Variants in ROBO2 observed in about 807,000 individuals in gnomAD.
ROBO2 encodes roundabout guidance receptor 2.
Under a neutral mutation model 160.8 loss-of-function variants are expected in ROBO2, and 53 were observed. The observed-to-expected ratio is 0.33, with a 90% CI of 0.26 to 0.41. The LOEUF is 0.41. ROBO2 is among the 10% of genes least tolerant of loss of function. The pLI is 1.00. For missense variants in ROBO2, 1,577 were observed against 1,722.4 expected, an observed-to-expected ratio of 0.92 and a Z score of 1.49; for synonymous variants, 664 against 611.7, an observed-to-expected ratio of 1.09 and a Z score of -1.26.
chr3:76,605,960 G>A (rs925484447), intron 2 of ROBO2, among the ~76,000 whole-genome samples: 5 of 152,030 alleles, frequency 3.3e-5, no homozygotes, highest in African/African-American at 9.7e-5. Context: ...CGGTAGACAG[G>A]ACCCCGTTAT....
chr3:76,136,120 T>C (rs2071420302), intron 2 of ROBO2, among the ~76,000 whole-genome samples: 1 of 152,032 alleles, frequency 6.6e-6, no homozygotes, highest in Non-Finnish European at 1.5e-5. Context: ...ATGTTCTGAG[T>C]TTTAGTGTTC....
At chr3:77,271,591 T>C (rs921497179) in intron 2 of ROBO2, among the ~76,000 whole-genome samples, 1 of 152,218 alleles carries the variant, frequency 6.6e-6, no homozygotes, top group Non-Finnish European at 1.5e-5. Flanking sequence ...ATTCATTCCC[T>C]GCAAAATCAC....
chr3:77,579,197 A>G (rs2093848310), intron 15 of ROBO2, among the ~76,000 whole-genome samples: 1 of 152,144 alleles, frequency 6.6e-6, no homozygotes, highest in Admixed American at 6.6e-5. Flanking sequence ...ACATTTCATC[A>G]GAACAATTTC....
chr3:76,834,070 C>CTTTCTTTCTTTCTTTCTTTCTTT (rs1559574907), intron 2 of ROBO2, among the ~76,000 whole-genome samples: 2 of 95,732 alleles, frequency 2.1e-5, no homozygotes, highest in Non-Finnish European at 4.3e-5. Flanking sequence ...TCTTTTCTTT[C>CTTTCTTTCTTTCTTTCTTTCTTT]TTTCTTTCTT....
intron 2 of ROBO2, among the ~76,000 whole-genome samples, chr3:76,891,926 A>G (rs2074373763): frequency 6.6e-6 from 1 of 152,090 alleles, no homozygotes; most frequent in Non-Finnish European, 1.5e-5. Flanking sequence ...AGTGCAGTGG[A>G]AGGGTCTGGG....
intron 6 of ROBO2, among the ~76,000 whole-genome samples, chr3:77,529,236 T>C (rs1246807069): frequency 6.6e-6 from 1 of 151,370 alleles, no homozygotes; most frequent in Admixed American, 6.6e-5. Flanking sequence ...GAGAACGATC[T>C]GACACTTTTT....
At chr3:76,558,661 C>T (rs1460405701) in intron 2 of ROBO2, among the ~76,000 whole-genome samples, 1 of 151,946 alleles carries the variant, frequency 6.6e-6, no homozygotes, top group Non-Finnish European at 1.5e-5. Context: ...CTGCATTTTT[C>T]CCAATTGCAT....
chr3:77,213,492 G>A (rs2084479017), intron 2 of ROBO2, among the ~76,000 whole-genome samples: 1 of 151,950 alleles, frequency 6.6e-6, no homozygotes, highest in Non-Finnish European at 1.5e-5. Flanking sequence ...AGTCCTGCTA[G>A]CGGTCTATCA....
chr3:76,170,742 T>A (rs1406500303), intron 2 of ROBO2, among the ~76,000 whole-genome samples: 1 of 152,160 alleles, frequency 6.6e-6, no homozygotes, highest in Non-Finnish European at 1.5e-5. Flanking sequence ...AGGTGATTGG[T>A]TAGATACCAG....
intron 2 of ROBO2, among the ~76,000 whole-genome samples, chr3:76,856,706 G>A (rs1409518121): frequency 1.3e-5 from 2 of 152,124 alleles, no homozygotes; most frequent in Non-Finnish European, 2.9e-5. Context: ...TGATGATGGT[G>A]CTTTACCACA....
chr3:76,943,388 G>C (rs1338795738), intron 2 of ROBO2, among the ~76,000 whole-genome samples: 1 of 152,174 alleles, frequency 6.6e-6, no homozygotes, highest in Admixed American at 6.5e-5. Context: ...TATTATTAAG[G>C]TTGCCATTCA....
At chr3:76,219,238 G>A (rs1275233082) in intron 2 of ROBO2, among the ~76,000 whole-genome samples, 1 of 152,114 alleles carries the variant, frequency 6.6e-6, no homozygotes, top group Non-Finnish European at 1.5e-5. Flanking sequence ...GAAAAACTAG[G>A]CAATACCATT....
At chr3:77,356,540 GTT>G (rs1244232714) in intron 2 of ROBO2, among the ~76,000 whole-genome samples, 10 of 152,214 alleles carry the variant, frequency 6.6e-5, no homozygotes, top group African/African-American at 2.4e-4. Flanking sequence ...CCATCCCTGG[GTT>G]CATGACTGAG....
At chr3:77,146,875 A>T in intron 2 of ROBO2, among the ~76,000 whole-genome samples, 1 of 152,118 alleles carries the variant, frequency 6.6e-6, no homozygotes, top group Non-Finnish European at 1.5e-5. Context: ...ATTGAGGCAC[A>T]AGAATCACTT....
chr3:76,749,481 C>G (rs2250342), intron 2 of ROBO2, among the ~76,000 whole-genome samples: 27,927 of 151,894 alleles, frequency 0.18, 2,732 homozygotes, highest in Non-Finnish European at 0.22. Flanking sequence ...CTGTTCTCAG[C>G]TGCTCATGAT....
chr3:76,941,487 T>A (rs903254191), intron 2 of ROBO2, among the ~76,000 whole-genome samples: 3 of 152,162 alleles, frequency 2.0e-5, no homozygotes, highest in African/African-American at 7.2e-5. Flanking sequence ...TTTGCAACTT[T>A]CTCCCTACCT....
chr3:76,974,053 T>C (rs1490275934), intron 2 of ROBO2, among the ~76,000 whole-genome samples: 1 of 152,170 alleles, frequency 6.6e-6, no homozygotes, highest in African/African-American at 2.4e-5. Flanking sequence ...TGTTAACAAA[T>C]CACAGGATTT....
chr3:77,103,183 C>T (rs2072259143), intron 2 of ROBO2, among the ~76,000 whole-genome samples: 1 of 152,126 alleles, frequency 6.6e-6, no homozygotes, highest in South Asian at 2.1e-4. Context: ...GCTGTAGCCC[C>T]AGGTGGCAAA....
At chr3:76,367,651 A>G (rs988760535) in intron 2 of ROBO2, among the ~76,000 whole-genome samples, 1 of 151,940 alleles carries the variant, frequency 6.6e-6, no homozygotes, top group African/African-American at 2.4e-5. Flanking sequence ...TTTTTATACC[A>G]TTTACATTGT....
Sources: allele counts gnomAD v4.1 joint callset (sites outside exome capture counted in the v4.1 genomes callset), GRCh38; gene constraint gnomAD v4.1.1; transcripts MANE v1.5; gene names NCBI Gene and HGNC (gene_info 2026-07-23, HGNC 2026-07-21).